SPAG16: variants seen among roughly 807,000 people sequenced by gnomAD.
SPAG16 encodes sperm associated antigen 16.
SPAG16 carries 86 observed loss-of-function variants against 80.4 expected under a neutral mutation model. The observed-to-expected ratio is 1.07, with a 90% CI of 0.90 to 1.28. The LOEUF is 1.28. Among genes scored for constraint, SPAG16 ranks in the 50% most tolerant of loss-of-function variants. SPAG16 has a pLI of 0.00. For synonymous variants in SPAG16, 294 were observed against 265.9 expected (o/e 1.11, Z -1.03); for missense variants, 870 against 765.3 (o/e 1.14, Z -1.61).
chr2:213,889,730 CATATAT>C (rs996087436), intron 11 of SPAG16, among the ~76,000 whole-genome samples: 1 of 146,188 alleles, frequency 6.8e-6, no homozygotes, highest in South Asian at 2.2e-4. Flanking sequence ...TATATATATA[CATATAT>C]ATATACATAT....
chr2:214,175,085 G>A (rs531732295), intron 15 of SPAG16, among the ~76,000 whole-genome samples: 29 of 151,288 alleles, frequency 1.9e-4, no homozygotes, highest in Non-Finnish European at 4.0e-4. Context: ...TTGGGTTGCA[G>A]TCAACAGAAA....
At chr2:213,545,781 G>T (rs953002579) in intron 10 of SPAG16, among the ~76,000 whole-genome samples, 3 of 151,956 alleles carry the variant, frequency 2.0e-5, no homozygotes, top group Non-Finnish European at 4.4e-5. Context: ...AACACTTTAC[G>T]CTTGGGAGGG....
At chr2:214,270,944 TCTAC>T (rs1043394070) in intron 15 of SPAG16, among the ~76,000 whole-genome samples, 59 of 152,304 alleles carry the variant, frequency 3.9e-4, no homozygotes, top group African/African-American at 1.4e-3. Context: ...GTAACCTTTT[TCTAC>T]CTTTTTCCCG....
At chr2:214,031,858 C>A (rs1204231146) in intron 13 of SPAG16, among the ~76,000 whole-genome samples, 1 of 151,994 alleles carries the variant, frequency 6.6e-6, no homozygotes, top group Non-Finnish European at 1.5e-5. Context: ...TTTTAAACAA[C>A]CAGATCTCAT....
intron 9 of SPAG16, among the ~76,000 whole-genome samples, chr2:213,397,849 A>G (rs1482813695): frequency 6.6e-6 from 1 of 152,080 alleles, no homozygotes; most frequent in African/African-American, 2.4e-5. Context: ...AATTCTGCCT[A>G]TATATTAATT....
chr2:214,065,658 T>C (rs2050496749), intron 13 of SPAG16, among the ~76,000 whole-genome samples: 1 of 152,100 alleles, frequency 6.6e-6, no homozygotes, highest in African/African-American at 2.4e-5. Flanking sequence ...CAAATACATA[T>C]AGTTTATGTG....
At chr2:214,099,676 A>T (rs1240634380) in intron 13 of SPAG16, among the ~76,000 whole-genome samples, 19 of 152,048 alleles carry the variant, frequency 1.2e-4, no homozygotes, top group Non-Finnish European at 5.9e-5. Flanking sequence ...TTGCCTCTGG[A>T]GGTGGCCTAA....
chr2:213,440,438 CCAGCTACT>C (rs1160312374), intron 9 of SPAG16, among the ~76,000 whole-genome samples: 5 of 152,032 alleles, frequency 3.3e-5, no homozygotes, highest in Non-Finnish European at 7.4e-5. Flanking sequence ...GCCTGTAGTC[CCAGCTACT>C]CTGGAGGCTG....
At chr2:213,396,718 C>A in intron 9 of SPAG16, 1 of 444,904 alleles carries the variant, frequency 2.2e-6, no homozygotes, top group Non-Finnish European at 4.5e-6. Context: ...GGACATTTGT[C>A]AGCAGGAGCC....
At chr2:213,426,925 A>G (rs2069969144) in intron 9 of SPAG16, among the ~76,000 whole-genome samples, 1 of 151,752 alleles carries the variant, frequency 6.6e-6, no homozygotes, top group South Asian at 2.1e-4. Context: ...ATTTTGCTCC[A>G]TGAATAAATA....
intron 10 of SPAG16, among the ~76,000 whole-genome samples, chr2:213,657,784 G>C (rs2063274573): frequency 6.6e-6 from 1 of 152,096 alleles, no homozygotes; most frequent in South Asian, 2.1e-4. Context: ...TCTATAAAGA[G>C]AGAAAAGATA....
chr2:213,694,028 T>A (rs2065053608), intron 10 of SPAG16, among the ~76,000 whole-genome samples: 1 of 143,656 alleles, frequency 7.0e-6, no homozygotes, highest in Admixed American at 7.1e-5. Flanking sequence ...CATTCTTTGG[T>A]GCTTTATGCA....
At chr2:214,370,026 C>T (rs1437964493) in intron 15 of SPAG16, among the ~76,000 whole-genome samples, 4 of 152,124 alleles carry the variant, frequency 2.6e-5, no homozygotes, top group African/African-American at 4.8e-5. Flanking sequence ...TTGGCAAATG[C>T]TGACCCTTCA....
chr2:214,261,473 T>C (rs1196769489), intron 15 of SPAG16, among the ~76,000 whole-genome samples: 1 of 152,180 alleles, frequency 6.6e-6, no homozygotes, highest in Non-Finnish European at 1.5e-5. Flanking sequence ...CCAAAAGCTT[T>C]GCTTTCTGAA....
intron 12 of SPAG16, among the ~76,000 whole-genome samples, chr2:213,985,348 A>G (rs1253219856): frequency 6.6e-6 from 1 of 152,102 alleles, no homozygotes; most frequent in Non-Finnish European, 1.5e-5. Context: ...ATTACTTGGT[A>G]GCACAAATTC....
chr2:214,259,057 T>A (rs949664288), intron 15 of SPAG16, among the ~76,000 whole-genome samples: 19 of 152,102 alleles, frequency 1.2e-4, no homozygotes, highest in Non-Finnish European at 2.5e-4. Context: ...CTGTTTTTTC[T>A]CTTAAATATG....
intron 11 of SPAG16, among the ~76,000 whole-genome samples, chr2:213,903,310 T>C (rs1314564404): frequency 6.6e-6 from 1 of 152,192 alleles, no homozygotes; most frequent in African/African-American, 2.4e-5. Context: ...GCAGCAAACT[T>C]CTGCCTGGAC....
chr2:213,293,767 TA>T (rs1345039481), intron 1 of SPAG16, among the ~76,000 whole-genome samples: 3 of 152,210 alleles, frequency 2.0e-5, no homozygotes, highest in Non-Finnish European at 4.4e-5. Flanking sequence ...AATAAATGCT[TA>T]TTGTTCCTTT....
chr2:214,299,748 G>C (rs1694416440), intron 15 of SPAG16, among the ~76,000 whole-genome samples: 1 of 152,160 alleles, frequency 6.6e-6, no homozygotes, highest in South Asian at 2.1e-4. Context: ...GGAATCTCAG[G>C]TTAAACTTTT....
Sources: gnomAD v4.1 joint callset for allele counts (sites outside exome capture counted in the v4.1 genomes callset) on GRCh38, gnomAD v4.1.1 for gene constraint, MANE v1.5 for transcripts, NCBI Gene and HGNC (gene_info 2026-07-23, HGNC 2026-07-21) for gene names.